The following SCHIP1 variants were observed in gnomAD, a reference collection of about 807,000 sequenced individuals.
SCHIP1 encodes schwannomin interacting protein 1, also known as schwannomin-interacting protein 1.
SCHIP1 carries 8 observed loss-of-function variants against 29.7 expected under a neutral mutation model. The observed-to-expected ratio is 0.27, with a 90% CI of 0.16 to 0.49. The LOEUF is 0.49. SCHIP1 is among the 20% of genes least tolerant of loss of function. The pLI is 0.99. For missense variants in SCHIP1, 193 were observed against 294.6 expected (o/e 0.66, Z 2.52); for synonymous variants, 76 against 94.9 (o/e 0.80, Z 1.16).
the SCHIP1 span, among the ~76,000 whole-genome samples, chr3:159,360,922 G>A: frequency 6.6e-6 from 1 of 152,138 alleles, no homozygotes; most frequent in African/African-American, 2.4e-5. Context: ...CTGCTTTCTG[G>A]TGCCAGGTTC....
rs139523779 is a variant in SCHIP1, at chr3:159,897,067, A to G, written c.*293A>G. ...GTTTTAACTTTATTTTTATTTGTTT[A>G]GAGATTTTAAGTTGGAACAGTATTT... On this transcript the variant is annotated 3_prime_UTR_variant, in exon 7 of 7. Transcript: ENST00000445224. 49 of 229,238 alleles carry G rather than the reference A, an allele frequency of 2.1e-4. 1 individual carries two copies. Among genetic ancestry groups the G allele is most frequent in the African/African-American group, 1.0e-3 (45 of 44,192 alleles). 14.2% of individuals were successfully genotyped at this position (229,238 alleles called of 1,614,324 possible). A position where few individuals can be genotyped will look rare whatever the true frequency, so the allele number is the denominator to read the frequency against.
chr3:159,585,954 T>TTGGATGGA, the SCHIP1 span, among the ~76,000 whole-genome samples: 39 of 152,186 alleles, frequency 2.6e-4, no homozygotes, highest in African/African-American at 8.7e-4. Context: ...CATAATATTA[T>TTGGATGGA]TGGATGGATG....
chr3:159,742,834 ATT>A, the SCHIP1 span, among the ~76,000 whole-genome samples: 42 of 110,816 alleles, frequency 3.8e-4, no homozygotes, highest in African/African-American at 1.4e-3. Flanking sequence ...CGCCTAGCTA[ATT>A]TTTTTTTTTT....
the SCHIP1 span, among the ~76,000 whole-genome samples, chr3:159,674,598 TAAAAAAAAAAAAAAAA>T: frequency 3.7e-5 from 2 of 53,978 alleles, no homozygotes; most frequent in African/African-American, 1.5e-4. Context: ...GGGTCAGGAT[TAAAAAAAAAAAAAAAA>T]AAAAAAAAAG....
the SCHIP1 span, among the ~76,000 whole-genome samples, chr3:159,776,552 T>G: frequency 6.6e-6 from 1 of 152,212 alleles, no homozygotes; most frequent in African/African-American, 2.4e-5. Context: ...GTTATCCATC[T>G]TACAGTGACC....
chr3:159,425,883 G>A, the SCHIP1 span, among the ~76,000 whole-genome samples: 2 of 152,210 alleles, frequency 1.3e-5, no homozygotes, highest in South Asian at 4.1e-4. Flanking sequence ...TCAGGATTAA[G>A]AAACTCACTC....
At chr3:159,567,747 G>T in the SCHIP1 span, among the ~76,000 whole-genome samples, 1 of 152,044 alleles carries the variant, frequency 6.6e-6, no homozygotes, top group South Asian at 2.1e-4. Context: ...TGGACAAGTG[G>T]ATGATTTCTG....
the SCHIP1 span, among the ~76,000 whole-genome samples, chr3:159,380,709 G>A: frequency 6.6e-6 from 1 of 152,094 alleles, no homozygotes; most frequent in Non-Finnish European, 1.5e-5. Flanking sequence ...AAACAAGATG[G>A]AAATTATTGT....
At chr3:159,309,963 C>A in the SCHIP1 span, among the ~76,000 whole-genome samples, 1 of 152,220 alleles carries the variant, frequency 6.6e-6, no homozygotes, top group East Asian at 1.9e-4. Flanking sequence ...AGCCTCAAGA[C>A]TCAAAGATAT....
At chr3:159,876,326 G>A (rs767713702) in intron 2 of SCHIP1, among the ~76,000 whole-genome samples, 3 of 152,158 alleles carry the variant, frequency 2.0e-5, no homozygotes, top group Non-Finnish European at 2.9e-5. Context: ...GGGTAGGAGC[G>A]GGGTATTGGG....
At chr3:159,885,699 G>A (rs1311872470) in intron 2 of SCHIP1, among the ~76,000 whole-genome samples, 2 of 152,154 alleles carry the variant, frequency 1.3e-5, no homozygotes, top group Admixed American at 1.3e-4. Context: ...GTTGGCTTTT[G>A]GCAACTGCCT....
chr3:159,724,613 T>C, the SCHIP1 span, among the ~76,000 whole-genome samples: 1 of 152,196 alleles, frequency 6.6e-6, no homozygotes. Context: ...AAAATCTTGC[T>C]ATGGTGATTT....
chr3:159,316,242 A>G, the SCHIP1 span, among the ~76,000 whole-genome samples: 4 of 152,134 alleles, frequency 2.6e-5, no homozygotes, highest in Non-Finnish European at 5.9e-5. Flanking sequence ...CACGGTCACA[A>G]GGTTCCACCA....
At chr3:159,827,703 G>T in the SCHIP1 span, among the ~76,000 whole-genome samples, 1 of 151,888 alleles carries the variant, frequency 6.6e-6, no homozygotes, top group Non-Finnish European at 1.5e-5. Context: ...TACTCGGGAG[G>T]CTGAGGCAGG....
chr3:159,749,108 T>TA, the SCHIP1 span, among the ~76,000 whole-genome samples: 16 of 151,584 alleles, frequency 1.1e-4, no homozygotes, highest in East Asian at 2.1e-3. Flanking sequence ...CCCATCTCCA[T>TA]AAAAAAAATA....
the SCHIP1 span, among the ~76,000 whole-genome samples, chr3:159,671,727 T>C: frequency 1.3e-5 from 2 of 152,168 alleles, no homozygotes; most frequent in Non-Finnish European, 1.5e-5. Context: ...ATGAAGCCAT[T>C]GGTTTAACTC....
At chr3:159,322,932 G>C in the SCHIP1 span, among the ~76,000 whole-genome samples, 2 of 152,150 alleles carry the variant, frequency 1.3e-5, no homozygotes, top group East Asian at 1.9e-4. Context: ...AGAGATTTCT[G>C]TCCGTGACTC....
chr3:159,588,316 G>GT, the SCHIP1 span, among the ~76,000 whole-genome samples: 2,724 of 150,340 alleles, frequency 0.018, 67 homozygotes, highest in African/African-American at 0.054. Flanking sequence ...GAATGAGGTT[G>GT]TTTTTTTTCT....
the SCHIP1 span, among the ~76,000 whole-genome samples, chr3:159,769,387 C>T: frequency 1.3e-5 from 2 of 152,130 alleles, no homozygotes; most frequent in African/African-American, 2.4e-5. Flanking sequence ...CTTCATGGGA[C>T]GTGTTCCTCC....
Sources: gnomAD v4.1 joint callset for allele counts (sites outside exome capture counted in the v4.1 genomes callset) on GRCh38, gnomAD v4.1.1 for gene constraint, MANE v1.5 for transcripts, NCBI Gene and HGNC (gene_info 2026-07-23, HGNC 2026-07-21) for gene names.